The following MTX2 variants were observed in gnomAD, a reference collection of about 807,000 sequenced individuals.
The protein encoded by MTX2 is metaxin 2.
Under a neutral mutation model 42.3 loss-of-function variants are expected in MTX2, and 35 were observed. The ratio of observed to expected loss-of-function variants is 0.83; its 90% CI spans 0.63 to 1.10. The LOEUF (loss-of-function observed/expected upper bound fraction) is 1.10. Among genes scored for constraint, MTX2 ranks in the 50% least tolerant of loss-of-function variants. MTX2 has a pLI of 0.00. For missense variants in MTX2, 307 were observed against 304.1 expected (o/e 1.01, Z -0.07); for synonymous variants, 119 against 100.9 (o/e 1.18, Z -1.08).
chr2:176,273,292 A>G (rs766438474), intron 1 of MTX2, among the ~76,000 whole-genome samples: 24 of 152,220 alleles, frequency 1.6e-4, no homozygotes, highest in Non-Finnish European at 1.9e-4. Context: ...AGCAGTGGTT[A>G]AAGTAATAAT....
chr2:176,291,993 G>A (rs1054892538), intron 1 of MTX2, among the ~76,000 whole-genome samples: 22 of 152,068 alleles, frequency 1.4e-4, no homozygotes. Context: ...TGAGGATTTT[G>A]GTCTTTATTC....
At chr2:176,272,401 A>T (rs1692838261) in intron 1 of MTX2, among the ~76,000 whole-genome samples, 1 of 152,188 alleles carries the variant, frequency 6.6e-6, no homozygotes, top group South Asian at 2.1e-4. Context: ...AAATTGCTAA[A>T]GGCTTAGATT....
chr2:176,324,129 G>A (rs1038251121), intron 4 of MTX2, among the ~76,000 whole-genome samples: 3 of 151,574 alleles, frequency 2.0e-5, no homozygotes, highest in African/African-American at 7.2e-5. Flanking sequence ...GATGATTATT[G>A]TAATTATGGT....
chr2:176,273,292 A>T (rs766438474), intron 1 of MTX2, among the ~76,000 whole-genome samples: 1 of 152,220 alleles, frequency 6.6e-6, no homozygotes, highest in African/African-American at 2.4e-5. Context: ...AGCAGTGGTT[A>T]AAGTAATAAT....
chr2:176,312,105 G>A (rs749814413), intron 3 of MTX2, among the ~76,000 whole-genome samples: 33 of 152,264 alleles, frequency 2.2e-4, no homozygotes, highest in Non-Finnish European at 4.1e-4. Context: ...CAGTATCAAC[G>A]TATTGATATT....
chr2:176,328,256 TATG>T (rs1260207457), intron 5 of MTX2, 34 bp from the exon 6 acceptor site: 1 of 1,334,290 alleles, frequency 7.5e-7, no homozygotes, highest in Non-Finnish European at 1.0e-6. Flanking sequence ...GTATATTTAA[TATG>T]ATGTTCTTTT....
intron 1 of MTX2, among the ~76,000 whole-genome samples, chr2:176,283,535 G>C (rs768633406): frequency 1.6e-4 from 25 of 152,128 alleles, no homozygotes; most frequent in Non-Finnish European, 2.9e-4. Context: ...CAGATTCTCT[G>C]TGGGGGATAA....
intron 1 of MTX2, among the ~76,000 whole-genome samples, chr2:176,287,141 T>C (rs560621088): frequency 1.3e-5 from 2 of 152,334 alleles, no homozygotes; most frequent in South Asian, 2.1e-4. Context: ...CATAAGGAGA[T>C]AGGCCACATG....
chr2:176,337,618 T>C lies in MTX2; in HGVS notation c.746T>C (p.Ile249Thr), dbSNP rs748063923. The change falls in exon 10 of 10, where the codon ATT (isoleucine) becomes ACT (threonine). Residue 249 changes from isoleucine (I) to threonine (T), a missense_variant. Transcript: ENST00000249442. The part of the protein sequence containing the change: ...YSNLLAFCRR[I>T]EQHYFEDRGK... ...AACCTCCTTGCTTTCTGTAGGAGAA[T>C]TGAACAGCACTATTTTGAAGATCGT... The C allele has an allele frequency of 3.1e-6, 5 of 1,612,928 alleles. No homozygotes were observed. The highest frequency in any genetic ancestry group is 2.7e-5 in the African/African-American group (2 of 74,876).
intron 6 of MTX2, among the ~76,000 whole-genome samples, 168 bp from the exon 7 acceptor site, chr2:176,328,706 A>G (rs566867237): frequency 6.6e-6 from 1 of 151,456 alleles, no homozygotes; most frequent in South Asian, 2.1e-4. Context: ...AAATATTTTT[A>G]TAACGTACCA....
In MTX2 at chr2:176,329,494, A is replaced by G. The variant is rs1207744108; in HGVS notation, c.543+68A>G. ...ATTAAAAGAATCATTCTTTATATTGATACTCCTTTAAAAAAATATATATAA... is the reference window on the plus strand; with the variant it reads ...ATTAAAAGAATCATTCTTTATATTGGTACTCCTTTAAAAAAATATATATAA... On this transcript the variant is annotated intron_variant, in intron 8 of 9. Transcript: ENST00000249442. 2.2e-6 allele frequency: 3 copies of G among 1,393,106 alleles called. No homozygotes were observed. In the African/African-American group the frequency reaches 4.5e-5, roughly 21 times the overall value. The allele number at this position is 1,393,106 out of a possible 1,614,324, so 86.3% of individuals were successfully genotyped here.
chr2:176,313,388 CTTTTTTTTTTTTT>C (rs1207416607), intron 3 of MTX2, among the ~76,000 whole-genome samples: 7 of 103,492 alleles, frequency 6.8e-5, no homozygotes, highest in Non-Finnish European at 1.3e-4. Flanking sequence ...TACACTGATT[CTTTTTTTTTTTTT>C]TTTTTTTTGG....
intron 3 of MTX2, among the ~76,000 whole-genome samples, chr2:176,314,264 C>G (rs188562068): frequency 6.6e-6 from 1 of 151,928 alleles, no homozygotes; most frequent in South Asian, 2.1e-4. Flanking sequence ...GGCAAAACCC[C>G]GTCTCTACTA....
chr2:176,314,783 C>T (rs1183367371), intron 3 of MTX2, among the ~76,000 whole-genome samples: 3 of 152,170 alleles, frequency 2.0e-5, no homozygotes, highest in East Asian at 3.8e-4. Flanking sequence ...GAAGATTATA[C>T]TGCTCTTATG....
intron 4 of MTX2, among the ~76,000 whole-genome samples, chr2:176,326,051 G>A (rs1235151167): frequency 6.6e-6 from 1 of 151,626 alleles, no homozygotes; most frequent in African/African-American, 2.4e-5. Flanking sequence ...TGTGACAGCA[G>A]GTTTCATTCT....
Position 176,337,499 on chromosome 2 carries a change from T to C in MTX2, c.627T>C (p.Thr209=), listed in dbSNP as rs1575066398. ...CTCTCATTTCTACTTTTAGGCCTAC[T>C]GAACTTGACGCACTGGTATTTGGCC... The part of the protein sequence containing the change: ...TQPYFFNKQP[T]ELDALVFGHL... The change falls in exon 10 of 10, where the codon ACT becomes ACC. Residue 209 remains threonine, a synonymous_variant. Coordinates refer to ENST00000249442, the MANE Select transcript of MTX2 (RefSeq NM_006554.5). The C allele has an allele frequency of 3.1e-6, 5 of 1,597,360 alleles. No homozygotes were observed. The highest frequency in any genetic ancestry group is 4.3e-6 in the Non-Finnish European group (5 of 1,172,150).
chr2:176,318,761 T>C (rs1389344181), intron 3 of MTX2, among the ~76,000 whole-genome samples: 3 of 152,240 alleles, frequency 2.0e-5, no homozygotes, highest in Non-Finnish European at 4.4e-5. Context: ...GTCTCCTTTA[T>C]GTACTGATTA....
chr2:176,285,198 T>A (rs1017913508), intron 1 of MTX2, among the ~76,000 whole-genome samples: 2 of 152,178 alleles, frequency 1.3e-5, no homozygotes, highest in East Asian at 3.9e-4. Context: ...AGCTTGTGCC[T>A]CAGTTTTCTT....
chr2:176,281,891 ACTC>A (rs1242614617), intron 1 of MTX2, among the ~76,000 whole-genome samples: 3 of 151,790 alleles, frequency 2.0e-5, no homozygotes, highest in Non-Finnish European at 2.9e-5. Context: ...ATATACAAAT[ACTC>A]CTTTATTCTC....
Sources: allele counts gnomAD v4.1 joint callset (sites outside exome capture counted in the v4.1 genomes callset), GRCh38; gene constraint gnomAD v4.1.1; transcripts MANE v1.5; gene names NCBI Gene and HGNC (gene_info 2026-07-23, HGNC 2026-07-21).